NUDT3: variants seen among roughly 807,000 people sequenced by gnomAD.
NUDT3 encodes the protein nudix hydrolase 3.
NUDT3 carries 9 observed loss-of-function variants against 23.6 expected under a neutral mutation model. The ratio of observed to expected loss-of-function variants is 0.38; its 90% CI spans 0.23 to 0.66. The LOEUF (loss-of-function observed/expected upper bound fraction) is 0.66. Among genes scored for constraint, NUDT3 ranks in the 30% least tolerant of loss-of-function variants. The pLI is 0.52. For synonymous variants in NUDT3, 86 were observed against 82.6 expected (o/e 1.04, Z -0.22); for missense variants, 172 against 218.5 (o/e 0.79, Z 1.34).
intron 1 of NUDT3, among the ~76,000 whole-genome samples, chr6:34,391,382 TTTG>T (rs1260765748): frequency 6.6e-6 from 1 of 152,228 alleles, no homozygotes; most frequent in African/African-American, 2.4e-5. Context: ...CAGCTACTCT[TTTG>T]TGGATTTACA....
chr6:34,343,125 T>C (rs1242126682), intron 1 of NUDT3, among the ~76,000 whole-genome samples: 1 of 152,182 alleles, frequency 6.6e-6, no homozygotes, highest in African/African-American at 2.4e-5. Context: ...TGAAAACTTG[T>C]CTTAAACTTA....
chr6:34,365,266 C>T (rs1355634760), intron 1 of NUDT3, among the ~76,000 whole-genome samples: 1 of 151,414 alleles, frequency 6.6e-6, no homozygotes, highest in Non-Finnish European at 1.5e-5. Context: ...CCCATCTCTA[C>T]TAAAAATACA....
chr6:34,281,896 C>T lies in NUDT3; in HGVS notation c.*6857G>A, dbSNP rs1763284681. On this transcript the variant is annotated 3_prime_UTR_variant, in exon 5 of 5. Transcript: ENST00000607016. ...GCTATAGCTCCCTTCTGAACTCCCT[C>T]ATGTTCTTGGGAGGACACAAGCCTC... 1 of 152,214 alleles carries T rather than the reference C, an allele frequency of 6.6e-6. No individual in the cohort carries two copies. Among genetic ancestry groups the T allele is most frequent in the Non-Finnish European group, 1.5e-5 (1 of 68,036 alleles). The allele number at this position is 152,214 out of a possible 1,614,324, so 9.4% of individuals were successfully genotyped here. A position where few individuals can be genotyped will look rare whatever the true frequency, so the allele number is the denominator to read the frequency against.
chr6:34,373,219 C>T lies in NUDT3; in HGVS notation c.99+19045G>A, dbSNP rs1387395898. On this transcript the variant is annotated intron_variant, in intron 1 of 4. Transcript: ENST00000607016. ...GCATGAACCCAGGAGACGGAGTTTG[C>T]AGTGAGCTGAGATCACGCCACTGCA... 2.7e-5 allele frequency among the ~76,000 whole-genome samples: 4 copies of T among 147,022 alleles called. No homozygotes were observed. The East Asian group carries it at 8.3e-4, about 30-fold the overall frequency.
At chr6:34,318,254 G>C (rs973920173) in intron 2 of NUDT3, among the ~76,000 whole-genome samples, 3 of 152,108 alleles carry the variant, frequency 2.0e-5, no homozygotes, top group African/African-American at 7.2e-5. Context: ...ACAATTGCTC[G>C]ATTGCTTCAC....
chr6:34,346,677 CT>C (rs1004437859), intron 1 of NUDT3, among the ~76,000 whole-genome samples: 8 of 152,014 alleles, frequency 5.3e-5, no homozygotes, highest in African/African-American at 1.2e-4. Context: ...AAAGCAAACA[CT>C]GTTACTGGTA....
At chr6:34,372,622 T>TG (rs1277372591) in intron 1 of NUDT3, among the ~76,000 whole-genome samples, 1 of 151,954 alleles carries the variant, frequency 6.6e-6, no homozygotes, top group East Asian at 2.0e-4. Flanking sequence ...CTAACCAACA[T>TG]GGAGAAATCC....
In NUDT3 at chr6:34,367,109, G is replaced by A. The variant is rs1006995378; in HGVS notation, c.100-25137C>T. ...TTGCTATGTTGGCAAGGCTGGTCTC[G>A]AACTCCTCAAGTAATCCACCCGCCT... On this transcript the variant is annotated intron_variant, in intron 1 of 4. Coordinates refer to ENST00000607016, the MANE Select transcript of NUDT3 (RefSeq NM_006703.4). 8.5e-5 allele frequency among the ~76,000 whole-genome samples: 13 copies of A among 152,050 alleles called. No homozygotes were observed. The South Asian group carries it at 2.1e-3, about 24-fold the overall frequency.
chr6:34,293,312 T>A, intron 4 of NUDT3, 139 bp downstream of exon 4: 1 of 942,872 alleles, frequency 1.1e-6, no homozygotes. Flanking sequence ...TCCTCCTGTG[T>A]TGGCCTTCCA....
chr6:34,338,856 T>C (rs951441851), intron 2 of NUDT3, among the ~76,000 whole-genome samples: 2 of 152,168 alleles, frequency 1.3e-5, no homozygotes, highest in Non-Finnish European at 2.9e-5. Flanking sequence ...GGGAATCTGG[T>C]TGGGTCAAAA....
chr6:34,362,505 C>A (rs1764665785), intron 1 of NUDT3, among the ~76,000 whole-genome samples: 1 of 151,986 alleles, frequency 6.6e-6, no homozygotes, highest in Non-Finnish European at 1.5e-5. Context: ...AAATTATATG[C>A]TAGATTACCT....
At chr6:34,364,839 G>A (rs9357177) in intron 1 of NUDT3, among the ~76,000 whole-genome samples, 54,229 of 151,590 alleles carry the variant, frequency 0.36, 12,253 homozygotes, top group Middle Eastern at 0.51. Flanking sequence ...CGAGACCACA[G>A]TGAAACCCCA....
At chr6:34,341,998 G>C in intron 1 of NUDT3, 26 bp from the exon 2 acceptor site, 1 of 1,599,548 alleles carries the variant, frequency 6.3e-7, no homozygotes, top group Non-Finnish European at 8.5e-7. Context: ...GGTTGCATGG[G>C]GGGGTTAAAA....
At chr6:34,360,237 CAAAAAAA>C (rs34629409) in intron 1 of NUDT3, among the ~76,000 whole-genome samples, 1 of 50,722 alleles carries the variant, frequency 2.0e-5, no homozygotes, top group Non-Finnish European at 4.4e-5. Context: ...GACCCTGTCT[CAAAAAAA>C]AAAAAAAAAA....
intron 1 of NUDT3, among the ~76,000 whole-genome samples, chr6:34,354,908 T>G (rs1021348359): frequency 1.3e-5 from 2 of 151,554 alleles, no homozygotes; most frequent in African/African-American, 2.4e-5. Context: ...TTTGTTCATT[T>G]GTTCTAGTAG....
rs138231013 is a variant in NUDT3, at chr6:34,321,453, A to G, written c.210+20409T>C. ...ACTCCATCTCAAAAATAATAATAAT[A>G]ATAAAATAATAATAATAACGTGTTG... On this transcript the variant is annotated intron_variant, in intron 2 of 4. Coordinates refer to ENST00000607016, the MANE Select transcript of NUDT3 (RefSeq NM_006703.4). Among the ~76,000 whole-genome samples, 14 of 152,118 alleles carry G rather than the reference A, an allele frequency of 9.2e-5. No homozygotes were observed. In the East Asian group the frequency reaches 2.7e-3, roughly 29 times the overall value.
chr6:34,342,730 G>C (rs151287487), intron 1 of NUDT3, among the ~76,000 whole-genome samples: 268 of 152,306 alleles, frequency 1.8e-3, no homozygotes, highest in Non-Finnish European at 2.6e-3. Context: ...AGTTGAGTTG[G>C]CATTATTTCC....
chr6:34,383,263 T>C (rs1316820593), intron 1 of NUDT3, among the ~76,000 whole-genome samples: 3 of 152,120 alleles, frequency 2.0e-5, no homozygotes, highest in East Asian at 1.9e-4. Flanking sequence ...ATCAGAAATA[T>C]GTTAAATAAC....
chr6:34,297,760 A>ATATATATATATATTTT (rs1763535832), intron 2 of NUDT3, among the ~76,000 whole-genome samples: 5 of 53,620 alleles, frequency 9.3e-5, no homozygotes, highest in Non-Finnish European at 1.5e-4. Flanking sequence ...TATATATATA[A>ATATATATATATATTTT]TTTTTTTTTT....
Sources: allele counts gnomAD v4.1 joint callset (sites outside exome capture counted in the v4.1 genomes callset), GRCh38; gene constraint gnomAD v4.1.1; transcripts MANE v1.5; gene names NCBI Gene and HGNC (gene_info 2026-07-23, HGNC 2026-07-21).